Variants in ADAMTS20 observed in about 807,000 individuals in gnomAD.
The protein encoded by ADAMTS20 is A disintegrin and metalloproteinase with thrombospondin motifs 20.
Under a neutral mutation model 260.1 loss-of-function variants are expected in ADAMTS20, and 225 were observed. That is an observed-to-expected ratio of 0.87 (90% CI 0.78 to 0.97). ADAMTS20 has a LOEUF of 0.97. Ranked by LOEUF, ADAMTS20 falls within the 50% of genes least tolerant of loss-of-function variation. ADAMTS20 has a pLI of 0.00. For missense variants in ADAMTS20, 2,400 were observed against 2,337.7 expected, an observed-to-expected ratio of 1.03 and a Z score of -0.55; for synonymous variants, 802 against 769.5, an observed-to-expected ratio of 1.04 and a Z score of -0.70.
chr12:43,417,932 A>C (rs1374619972), intron 28 of ADAMTS20, among the ~76,000 whole-genome samples: 1 of 152,210 alleles, frequency 6.6e-6, no homozygotes, highest in East Asian at 1.9e-4. Context: ...TATGAACTCT[A>C]TCATACGTAT....
intron 3 of ADAMTS20, among the ~76,000 whole-genome samples, chr12:43,530,406 T>C (rs958600886): frequency 2.0e-5 from 3 of 152,194 alleles, no homozygotes; most frequent in African/African-American, 7.2e-5. Context: ...TTTGAAGCCA[T>C]AAAAATGAAA....
intron 29 of ADAMTS20, among the ~76,000 whole-genome samples, chr12:43,384,721 C>T (rs895012370): frequency 6.6e-6 from 1 of 152,052 alleles, no homozygotes; most frequent in South Asian, 2.1e-4. Context: ...TTTTCTGTTC[C>T]TGTGTTAGTT....
chr12:43,484,535 G>C (rs1942492768), intron 7 of ADAMTS20, among the ~76,000 whole-genome samples: 1 of 152,072 alleles, frequency 6.6e-6, no homozygotes, highest in Admixed American at 6.6e-5. Flanking sequence ...AGAAAATGCA[G>C]TGCAAATTTT....
chr12:43,506,434 C>T (rs2137455252), intron 3 of ADAMTS20, among the ~76,000 whole-genome samples: 1 of 151,568 alleles, frequency 6.6e-6, no homozygotes, highest in Admixed American at 6.6e-5. Context: ...CTTAACACTA[C>T]TGAAGTGCAC....
intron 18 of ADAMTS20, among the ~76,000 whole-genome samples, chr12:43,439,384 A>G (rs1325034746): frequency 6.6e-6 from 1 of 152,346 alleles, no homozygotes; most frequent in South Asian, 2.1e-4. Context: ...AAGTAAAAGA[A>G]CAGTAATAGA....
chr12:43,438,050 G>A (rs1054043370), intron 18 of ADAMTS20, among the ~76,000 whole-genome samples: 4 of 152,016 alleles, frequency 2.6e-5, no homozygotes, highest in African/African-American at 9.7e-5. Flanking sequence ...TTTAACTTTA[G>A]AGAAACTAAA....
rs560529388 is a variant in ADAMTS20 at position 43,385,409 on chromosome 12, G to A, written c.4453-1432C>T. 8.5e-5 allele frequency among the ~76,000 whole-genome samples: 13 copies of A among 152,152 alleles called. No individual in the cohort carries two copies. The South Asian group carries it at 1.7e-3, about 19-fold the overall frequency. ...CCCATTCTGTAAATTGACTATTCACGCTGATGATAGTTTATTTTGCTGTCC... is the reference window on the plus strand; with the variant it reads ...CCCATTCTGTAAATTGACTATTCACACTGATGATAGTTTATTTTGCTGTCC... On this transcript the variant is annotated intron_variant, in intron 29 of 38. Coordinates refer to ENST00000389420, the MANE Select transcript of ADAMTS20 (RefSeq NM_025003.5).
chr12:43,491,431 G>A (rs748552926), intron 6 of ADAMTS20, among the ~76,000 whole-genome samples: 5 of 152,160 alleles, frequency 3.3e-5, no homozygotes, highest in African/African-American at 7.2e-5. Flanking sequence ...CTACATGTTA[G>A]CTATATTACA....
chr12:43,452,746 C>T, intron 12 of ADAMTS20, 51 bp from the exon 13 acceptor site: 4 of 1,438,418 alleles, frequency 2.8e-6, no homozygotes, highest in Non-Finnish European at 3.7e-6. Flanking sequence ...ATTATTTGTG[C>T]CACTTACTTC....
chr12:43,509,442 A>C (rs1378579222), intron 3 of ADAMTS20, among the ~76,000 whole-genome samples: 1 of 152,144 alleles, frequency 6.6e-6, no homozygotes, highest in Non-Finnish European at 1.5e-5. Context: ...TCTTTGGCAA[A>C]GTAATTGAAC....
At position 43,428,409 on chromosome 12, in the gene ADAMTS20, G is replaced by A. The variant is rs1254055868; in HGVS notation, c.3777C>T (p.Ser1259=). 6.2e-7 allele frequency: 1 copy of A among 1,613,862 alleles called. No homozygotes were observed. Among genetic ancestry groups the A allele is most frequent in the South Asian group, 1.1e-5 (1 of 91,078 alleles). ...TGTGTGCAGGAGGGCAGGCTGCCAG[G>A]CTACATTCCTGTTCCATCAAAGGGC... The part of the protein sequence containing the change: ...EVRPLMEQEC[S]LAACPPAHSH... Residue 1259 remains serine (S), a synonymous_variant, in exon 26 of 39, where the codon AGC becomes AGT. Transcript: ENST00000389420.
intron 3 of ADAMTS20, among the ~76,000 whole-genome samples, chr12:43,518,140 A>G (rs545815675): frequency 6.6e-6 from 1 of 152,154 alleles, no homozygotes; most frequent in South Asian, 2.1e-4. Context: ...GATTTTCACC[A>G]CAATAGGATT....
chr12:43,452,717 T>G (rs764038456), intron 12 of ADAMTS20, 22 bp from the exon 13 acceptor site: 44 of 1,580,848 alleles, frequency 2.8e-5, no homozygotes, highest in Non-Finnish European at 3.5e-5. Flanking sequence ...CATTACATTT[T>G]AAAGCACATC....
rs554974111 is a variant in ADAMTS20, at chr12:43,427,720, C to T, written c.3946-251G>A. On this transcript the variant is annotated intron_variant, in intron 26 of 38. Transcript: ENST00000389420. Reference sequence around the variant, plus strand: ...ATTAGGAAACAATTTTCATTTCTATCATAAGTGTTAAGTAAAAAGAAATTA... The same window carrying T: ...ATTAGGAAACAATTTTCATTTCTATTATAAGTGTTAAGTAAAAAGAAATTA... Among the ~76,000 whole-genome samples, 255 of 152,246 alleles carry T rather than the reference C, an allele frequency of 1.7e-3. 1 individual carries two copies. The highest frequency in any genetic ancestry group is 5.8e-3 in the African/African-American group (242 of 41,534).
At chr12:43,512,032 A>AT (rs1942930932) in intron 3 of ADAMTS20, among the ~76,000 whole-genome samples, 2 of 152,038 alleles carry the variant, frequency 1.3e-5, no homozygotes, top group Admixed American at 1.3e-4. Context: ...GAGTTTTCTT[A>AT]TTAATACTAT....
chr12:43,424,879 C>T (rs935638869), intron 28 of ADAMTS20, among the ~76,000 whole-genome samples: 1 of 151,718 alleles, frequency 6.6e-6, no homozygotes, highest in African/African-American at 2.4e-5. Flanking sequence ...AAATAGATTC[C>T]TCTTCCAAAC....
At chr12:43,416,314 C>T (rs1941128601) in intron 28 of ADAMTS20, among the ~76,000 whole-genome samples, 1 of 151,664 alleles carries the variant, frequency 6.6e-6, no homozygotes, top group Non-Finnish European at 1.5e-5. Context: ...GAATTGTCCA[C>T]TAATCTTCTC....
chr12:43,382,997 A>T (rs1307729812), intron 31 of ADAMTS20, among the ~76,000 whole-genome samples: 2 of 152,200 alleles, frequency 1.3e-5, no homozygotes, highest in Non-Finnish European at 1.5e-5. Context: ...AAAAGTATGT[A>T]CTGTATGATC....
chr12:43,452,147 G>A (rs1159464609), intron 14 of ADAMTS20, 127 bp downstream of exon 14: 2 of 945,296 alleles, frequency 2.1e-6, no homozygotes, highest in African/African-American at 1.7e-5. Flanking sequence ...GATAACAAAG[G>A]TTGCTTTGTT....
Sources: gnomAD v4.1 joint callset for allele counts (sites outside exome capture counted in the v4.1 genomes callset) on GRCh38, gnomAD v4.1.1 for gene constraint, MANE v1.5 for transcripts, NCBI Gene and HGNC (gene_info 2026-07-23, HGNC 2026-07-21) for gene names.